ADAM12: variants seen among roughly 807,000 people sequenced by gnomAD.
ADAM12 encodes disintegrin and metalloproteinase domain-containing protein 12.
In ADAM12, 70 loss-of-function variants were observed where a neutral mutation model predicts 106.4. The ratio of observed to expected loss-of-function variants is 0.66; its 90% CI spans 0.54 to 0.80. The LOEUF (loss-of-function observed/expected upper bound fraction) is 0.80. Among genes scored for constraint, ADAM12 ranks in the 30% least tolerant of loss-of-function variants. The pLI is 0.00. For synonymous variants in ADAM12, 420 were observed against 433.5 expected, an observed-to-expected ratio of 0.97 and a Z score of 0.39; for missense variants, 1,010 against 1,171.9, an observed-to-expected ratio of 0.86 and a Z score of 2.02.
intron 11 of ADAM12, among the ~76,000 whole-genome samples, chr10:126,081,458 GT>G (rs1448912837): frequency 6.6e-6 from 1 of 152,230 alleles, no homozygotes; most frequent in Non-Finnish European, 1.5e-5. Flanking sequence ...GGGCTAACTG[GT>G]TTTGGAAAAT....
intron 11 of ADAM12, among the ~76,000 whole-genome samples, chr10:126,082,754 C>T (rs1459708): frequency 0.11 from 16,146 of 152,206 alleles, 1,226 homozygotes; most frequent in African/African-American, 0.2. Flanking sequence ...GCCAGTTCTA[C>T]ATATTCCTAG....
chr10:126,343,662 C>T (rs1027722398), intron 1 of ADAM12, among the ~76,000 whole-genome samples: 32 of 152,274 alleles, frequency 2.1e-4, no homozygotes, highest in Admixed American at 7.2e-4. Context: ...AAAAGTATTC[C>T]TATTTCTCCA....
chr10:126,230,725 G>A (rs1034977433), intron 3 of ADAM12, among the ~76,000 whole-genome samples: 21 of 152,096 alleles, frequency 1.4e-4, no homozygotes, highest in African/African-American at 3.4e-4. Context: ...CAGTGTGAAC[G>A]TCTTTTGCTT....
intron 1 of ADAM12, among the ~76,000 whole-genome samples, chr10:126,348,478 G>A (rs752063714): frequency 1.3e-5 from 2 of 152,116 alleles, no homozygotes; most frequent in African/African-American, 4.8e-5. Context: ...CCTCACCTCC[G>A]TGCTCTGCCT....
chr10:126,198,674 G>A (rs932832910), intron 3 of ADAM12, among the ~76,000 whole-genome samples: 9 of 152,292 alleles, frequency 5.9e-5, no homozygotes, highest in Admixed American at 2.0e-4. Context: ...TGCCTGGCAC[G>A]CATCCTTGCA....
intron 1 of ADAM12, among the ~76,000 whole-genome samples, chr10:126,351,159 A>C (rs1855340478): frequency 6.6e-6 from 1 of 152,118 alleles, no homozygotes; most frequent in Non-Finnish European, 1.5e-5. Context: ...TGTTCAGCCC[A>C]AAGCTGGCAC....
chr10:126,038,990 T>G (rs1488849069), intron 19 of ADAM12, among the ~76,000 whole-genome samples: 1 of 137,850 alleles, frequency 7.3e-6, no homozygotes, highest in South Asian at 2.5e-4. Context: ...GATGGAGTCT[T>G]GCTCTCTCGC....
rs148749883 is a variant in ADAM12, at chr10:126,094,068, C to T, written c.1062G>A (p.Gly354=). 1 of 1,614,166 alleles carries T rather than the reference C, an allele frequency of 6.2e-7. No individual in the cohort carries two copies. Among genetic ancestry groups the T allele is most frequent in the South Asian group, 1.1e-5 (1 of 91,070 alleles). ...CCCTGTCCAGTGTGTCATGATTCAT[C>T]CCGAAATTGTGGCCCAGCTCATGTG... The part of the protein sequence containing the change: ...TLAHELGHNF[G]MNHDTLDRGC... Residue 354 remains glycine (G), a synonymous_variant, in exon 11 of 23, where the codon GGG becomes GGA. Transcript: ENST00000448723.
At chr10:126,205,256 C>T (rs10794067) in intron 3 of ADAM12, among the ~76,000 whole-genome samples, 121,985 of 151,746 alleles carry the variant, frequency 0.8, 49,171 homozygotes, top group Middle Eastern at 0.89. Flanking sequence ...TGGCACAAAA[C>T]CTCTTTACCT....
chr10:126,305,420 C>A (rs906760477), intron 2 of ADAM12, among the ~76,000 whole-genome samples: 1 of 151,994 alleles, frequency 6.6e-6, no homozygotes, highest in Non-Finnish European at 1.5e-5. Flanking sequence ...GAAATCTAAT[C>A]TTTAGTGCTA....
intron 3 of ADAM12, among the ~76,000 whole-genome samples, chr10:126,255,431 C>T (rs552906452): frequency 6.6e-6 from 1 of 152,300 alleles, no homozygotes; most frequent in Admixed American, 6.5e-5. Flanking sequence ...GGCTCCACCT[C>T]ACACACTCAC....
rs1383686102 is a variant in ADAM12, at chr10:126,049,461, T to G, written c.1719-10A>C. ...TCCACATTTAGCATCTCTGGAAGGG[T>G]AAGAACAAACAATTCCCAAGGAGAA... On this transcript the variant is annotated splice_polypyrimidine_tract_variant and intron_variant, in intron 15 of 22. Transcript: ENST00000448723. The surrounding 1 kb of genome is among the most constrained non-coding windows in gnomAD (Gnocchi z 4.4). 6.2e-7 allele frequency: 1 copy of G among 1,613,896 alleles called. No homozygotes were observed. Among genetic ancestry groups the G allele is most frequent in the Admixed American group, 1.7e-5 (1 of 59,990 alleles).
intron 14 of ADAM12, among the ~76,000 whole-genome samples, chr10:126,056,015 C>T (rs1366358745): frequency 1.3e-5 from 2 of 152,164 alleles, no homozygotes; most frequent in African/African-American, 2.4e-5. Context: ...ACTTGGAAAC[C>T]TCTGAGGGAG....
intron 3 of ADAM12, among the ~76,000 whole-genome samples, chr10:126,274,975 G>T (rs1959210191): frequency 6.6e-6 from 1 of 152,202 alleles, no homozygotes; most frequent in Non-Finnish European, 1.5e-5. Flanking sequence ...AAGTTGCCCT[G>T]TAAGAGATGT....
At chr10:126,269,011 T>C (rs1959155408) in intron 3 of ADAM12, among the ~76,000 whole-genome samples, 1 of 152,116 alleles carries the variant, frequency 6.6e-6, no homozygotes, top group Non-Finnish European at 1.5e-5. Context: ...CGAGAACCGC[T>C]GGTTATCCAT....
chr10:126,310,869 CTA>C (rs991326026), intron 2 of ADAM12, among the ~76,000 whole-genome samples: 24 of 152,118 alleles, frequency 1.6e-4, no homozygotes, highest in African/African-American at 5.3e-4. Context: ...AAATTGTGCA[CTA>C]TGAGAGGGAT....
intron 10 of ADAM12, among the ~76,000 whole-genome samples, chr10:126,094,387 G>A (rs1478861490): frequency 6.6e-6 from 1 of 152,148 alleles, no homozygotes; most frequent in East Asian, 1.9e-4. Context: ...GATTCTTTAT[G>A]TTTTTACATG....
At chr10:126,177,465 CAA>C (rs1173812984) in intron 3 of ADAM12, among the ~76,000 whole-genome samples, 1 of 152,058 alleles carries the variant, frequency 6.6e-6, no homozygotes, top group African/African-American at 2.4e-5. Context: ...AACTAAGACA[CAA>C]AGAGATTACA....
chr10:126,039,220 T>C (rs1954115302), intron 19 of ADAM12, 74 bp downstream of exon 19: 15 of 1,562,804 alleles, frequency 9.6e-6, no homozygotes, highest in South Asian at 3.4e-5. Context: ...GTGCTGGGAT[T>C]ACAGGCTTGA....
Sources: gnomAD v4.1 joint callset for allele counts (sites outside exome capture counted in the v4.1 genomes callset) on GRCh38, gnomAD v4.1.1 for gene constraint, Gnocchi (gnomAD v3.1) non-coding constraint, MANE v1.5 for transcripts, NCBI Gene and HGNC (gene_info 2026-07-23, HGNC 2026-07-21) for gene names.